The following MGAT4C variants were observed in gnomAD, a reference collection of about 807,000 sequenced individuals.
MGAT4C encodes alpha-1,3-mannosyl-glycoprotein 4-beta-N-acetylglucosaminyltransferase C.
In MGAT4C, 19 loss-of-function variants were observed where a neutral mutation model predicts 40.1. The ratio of observed to expected loss-of-function variants is 0.47; its 90% CI spans 0.33 to 0.70. MGAT4C has a LOEUF of 0.70. Among genes scored for constraint, MGAT4C ranks in the 30% least tolerant of loss-of-function variants. The probability of loss-of-function intolerance (pLI) is 0.02; values close to 1 mark genes in which losing one functional copy is unlikely to be tolerated. For missense variants in MGAT4C, 491 were observed against 563.2 expected, an observed-to-expected ratio of 0.87 and a Z score of 1.30; for synonymous variants, 181 against 187.1, an observed-to-expected ratio of 0.97 and a Z score of 0.27.
intron 1 of MGAT4C, among the ~76,000 whole-genome samples, chr12:86,216,642 A>G (rs1950685324): frequency 6.6e-6 from 1 of 152,234 alleles, no homozygotes; most frequent in African/African-American, 2.4e-5. Flanking sequence ...TTGCCAAATT[A>G]AAATGTAAAA....
chr12:86,531,017 C>A (rs990193142), intron 2 of MGAT4C, among the ~76,000 whole-genome samples: 11 of 152,026 alleles, frequency 7.2e-5, no homozygotes, highest in Admixed American at 7.2e-4. Context: ...GTAAGGATAG[C>A]AGCCCCCTCT....
At chr12:86,109,714 T>C (rs571319427) in intron 1 of MGAT4C, among the ~76,000 whole-genome samples, 2 of 152,036 alleles carry the variant, frequency 1.3e-5, no homozygotes, top group Non-Finnish European at 2.9e-5. Context: ...ATTTATTATG[T>C]CTACCATGTG....
Position 86,582,267 on chromosome 12 carries a change from A to AT in MGAT4C, c.-229+144941dup, listed in dbSNP as rs987002544. On this transcript the variant is annotated intron_variant, in intron 2 of 7. Coordinates refer to the MGAT4C transcript ENST00000548651. ...CAAAGTCTTCAGGAGACTGTTTATA[A>AT]TTTTTTTAGAATGTTATAACTTTGA... is the stretch of plus-strand genomic sequence containing the variant. 2.5e-4 allele frequency among the ~76,000 whole-genome samples: 38 copies of AT among 151,438 alleles called. 2 individuals are homozygous for AT. Among genetic ancestry groups the AT allele is most frequent in the African/African-American group, 8.7e-4 (36 of 41,428 alleles).
chr12:86,348,273 T>C (rs1334014873), intron 3 of MGAT4C, among the ~76,000 whole-genome samples: 1 of 152,168 alleles, frequency 6.6e-6, no homozygotes, highest in African/African-American at 2.4e-5. Context: ...ATATTACTAA[T>C]ATCATTCACT....
At chr12:86,199,428 T>G (rs753475476) in intron 1 of MGAT4C, among the ~76,000 whole-genome samples, 1 of 152,136 alleles carries the variant, frequency 6.6e-6, no homozygotes, top group Admixed American at 6.6e-5. Context: ...CTGATTTCAG[T>G]GCTCAGTCCA....
intron 1 of MGAT4C, among the ~76,000 whole-genome samples, chr12:86,829,924 G>A (rs1952887333): frequency 1.3e-5 from 2 of 149,406 alleles, no homozygotes; most frequent in Admixed American, 6.8e-5. Context: ...CATACATATC[G>A]ATGTTTTTTT....
rs1223969877 is a variant in MGAT4C, at chr12:85,977,613, A to AT, written c.*1675dup. 1.3e-5 allele frequency: 2 copies of AT among 151,482 alleles called. No individual in the cohort carries two copies. Among genetic ancestry groups the AT allele is most frequent in the African/African-American group, 4.8e-5 (2 of 41,366 alleles). 9.4% of individuals were successfully genotyped at this position (151,482 alleles called of 1,614,324 possible). A position where few individuals can be genotyped will look rare whatever the true frequency, so the allele number is the denominator to read the frequency against. On this transcript the variant is annotated 3_prime_UTR_variant, in exon 5 of 5. Coordinates refer to ENST00000611864, the MANE Select transcript of MGAT4C (RefSeq NM_001351288.2). ...TTTATAAATGAAATAAAAAGTTTCC[A>AT]TTTTTTATCTGAGTTTCTCATTTAT...
chr12:86,744,082 A>G (rs1951115179), intron 1 of MGAT4C, among the ~76,000 whole-genome samples: 1 of 151,588 alleles, frequency 6.6e-6, no homozygotes, highest in African/African-American at 2.4e-5. Flanking sequence ...GGGAAGGAAC[A>G]TGTACTGAAA....
At chr12:86,137,793 A>T (rs1882184090) in intron 1 of MGAT4C, among the ~76,000 whole-genome samples, 1 of 152,204 alleles carries the variant, frequency 6.6e-6, no homozygotes, top group Non-Finnish European at 1.5e-5. Context: ...TAAGGACTGC[A>T]TACAGACAAC....
chr12:86,328,432 A>C (rs1954577973), intron 4 of MGAT4C, among the ~76,000 whole-genome samples: 1 of 152,230 alleles, frequency 6.6e-6, no homozygotes, highest in South Asian at 2.1e-4. Flanking sequence ...GGAATCGACA[A>C]TAACAGTAAT....
intron 3 of MGAT4C, among the ~76,000 whole-genome samples, chr12:86,420,300 T>C (rs1192521268): frequency 6.6e-6 from 1 of 152,056 alleles, no homozygotes; most frequent in Non-Finnish European, 1.5e-5. Context: ...GAGGATCACT[T>C]GAGCCCAGAG....
chr12:86,649,626 T>C (rs1415612587), intron 2 of MGAT4C, among the ~76,000 whole-genome samples: 1 of 151,810 alleles, frequency 6.6e-6, no homozygotes, highest in Non-Finnish European at 1.5e-5. Context: ...TATATAAAAC[T>C]AAGTTGGGTG....
At chr12:86,639,781 A>G (rs533655131) in intron 2 of MGAT4C, among the ~76,000 whole-genome samples, 2 of 151,834 alleles carry the variant, frequency 1.3e-5, no homozygotes, top group African/African-American at 4.8e-5. Context: ...GATATTTTCA[A>G]TGATTTAACT....
At chr12:86,733,688 A>G (rs1363089752) in intron 1 of MGAT4C, among the ~76,000 whole-genome samples, 1 of 152,056 alleles carries the variant, frequency 6.6e-6, no homozygotes, top group Non-Finnish European at 1.5e-5. Flanking sequence ...ATATAATTGT[A>G]CTGTATGAAC....
At position 86,539,009 on chromosome 12, in the gene MGAT4C, T is replaced by C. The variant is rs1227932425; in HGVS notation, c.-228-103744A>G. Among the ~76,000 whole-genome samples, 4 of 152,002 alleles carry C rather than the reference T, an allele frequency of 2.6e-5. No homozygotes were observed. In the East Asian group the frequency reaches 5.8e-4, roughly 22 times the overall value. ...ATTTCATTTTTATTTATATTTTTCA[T>C]ATATTCTAAAAACTTTTTTTTAATT... On this transcript the variant is annotated intron_variant, in intron 2 of 7. Transcript: ENST00000548651.
At chr12:86,050,526 C>T (rs1444711784) in intron 1 of MGAT4C, among the ~76,000 whole-genome samples, 1 of 152,000 alleles carries the variant, frequency 6.6e-6, no homozygotes, top group African/African-American at 2.4e-5. Flanking sequence ...ATTTAAGTAA[C>T]TCTAAGTAGA....
intron 2 of MGAT4C, among the ~76,000 whole-genome samples, chr12:86,658,863 T>C (rs1181910674): frequency 6.6e-6 from 1 of 152,098 alleles, no homozygotes; most frequent in Non-Finnish European, 1.5e-5. Flanking sequence ...TGTTCTTCTA[T>C]GCATAAGGCT....
At position 86,362,815 on chromosome 12, in the gene MGAT4C, C is replaced by T. The variant is rs1460544481; in HGVS notation, c.-119-28688G>A. 1.8e-4 allele frequency among the ~76,000 whole-genome samples: 24 copies of T among 136,906 alleles called. No homozygotes were observed. The East Asian group carries it at 4.4e-3, about 25-fold the overall frequency. 89.8% of individuals were successfully genotyped at this position (136,906 alleles called of 152,430 possible). ...CTGGGATGTGGAGTTTGCAGTGAGCCGAGATCACGCTGCTGCACTCCCGCC... is the reference window on the plus strand; with the variant it reads ...CTGGGATGTGGAGTTTGCAGTGAGCTGAGATCACGCTGCTGCACTCCCGCC... On this transcript the variant is annotated intron_variant, in intron 3 of 7. Coordinates refer to the MGAT4C transcript ENST00000548651.
chr12:86,408,479 C>CTCTCTATATATATATATA (rs1267344319), intron 3 of MGAT4C, among the ~76,000 whole-genome samples: 1 of 63,344 alleles, frequency 1.6e-5, no homozygotes, highest in African/African-American at 7.8e-5. Context: ...CTCTCTCTCT[C>CTCTCTATATATATATATA]TATATATATA....
Sources: allele counts gnomAD v4.1 joint callset (sites outside exome capture counted in the v4.1 genomes callset), GRCh38; gene constraint gnomAD v4.1.1; transcripts MANE v1.5; gene names NCBI Gene and HGNC (gene_info 2026-07-23, HGNC 2026-07-21).